Variants in ATL2 observed in about 807,000 individuals in gnomAD.
ATL2 encodes atlastin-2.
ATL2 carries 31 observed loss-of-function variants against 73.9 expected under a neutral mutation model. The observed-to-expected ratio is 0.42, with a 90% CI of 0.32 to 0.57. ATL2 has a LOEUF of 0.57. Among genes scored for constraint, ATL2 ranks in the 20% least tolerant of loss-of-function variants. ATL2 has a pLI of 0.14. For missense variants in ATL2, 738 were observed against 702.6 expected, an observed-to-expected ratio of 1.05 and a Z score of -0.57; for synonymous variants, 291 against 237.5, an observed-to-expected ratio of 1.23 and a Z score of -2.07.
chr2:38,318,688 G>A (rs1042792296), intron 3 of ATL2, 49 bp from the exon 4 acceptor site: 1 of 1,456,172 alleles, frequency 6.9e-7, no homozygotes, highest in East Asian at 2.3e-5. Context: ...TGCCAAAAAT[G>A]ACTATAAAAA....
chr2:38,337,978 T>C (rs1482840807), intron 2 of ATL2, among the ~76,000 whole-genome samples: 2 of 152,202 alleles, frequency 1.3e-5, no homozygotes, highest in Non-Finnish European at 2.9e-5. Flanking sequence ...TATATAATTC[T>C]ACTAAATTAA....
At chr2:38,318,817 T>G in intron 3 of ATL2, 68 bp downstream of exon 3, 1 of 1,538,100 alleles carries the variant, frequency 6.5e-7, no homozygotes, top group Non-Finnish European at 8.9e-7. Flanking sequence ...CTGTGTTGTT[T>G]TGATTTTTAA....
rs74425241 is a variant in ATL2 at position 38,337,930 on chromosome 2, A to T, written c.363+5338T>A. On this transcript the variant is annotated intron_variant, in intron 2 of 12. Coordinates refer to ENST00000378954, the MANE Select transcript of ATL2 (RefSeq NM_001135673.4). Reference sequence around the variant, plus strand: ...ATAATAGCTATCACCATTACTTAGCATCAATATCGTAAGCACTGTGTTTAG... The same window carrying T: ...ATAATAGCTATCACCATTACTTAGCTTCAATATCGTAAGCACTGTGTTTAG... 1.5e-3 allele frequency among the ~76,000 whole-genome samples: 236 copies of T among 152,316 alleles called. 3 individuals carry two copies. The highest frequency in any genetic ancestry group is 5.5e-3 in the African/African-American group (227 of 41,578).
intron 12 of ATL2, 35 bp downstream of exon 12, chr2:38,298,109 A>G (rs774723573): frequency 1.3e-6 from 2 of 1,542,056 alleles, no homozygotes; most frequent in African/African-American, 2.8e-5. Context: ...GGAAAATAAG[A>G]TTAGTCACTA....
intron 2 of ATL2, among the ~76,000 whole-genome samples, chr2:38,336,639 T>A (rs903613797): frequency 1.3e-5 from 2 of 152,188 alleles, no homozygotes; most frequent in African/African-American, 4.8e-5. Flanking sequence ...CCAAACATAA[T>A]TTTACATAAT....
At chr2:38,356,258 G>C (rs367616339) in intron 1 of ATL2, among the ~76,000 whole-genome samples, 11 of 149,648 alleles carry the variant, frequency 7.4e-5, no homozygotes, top group African/African-American at 2.7e-4. Flanking sequence ...CACTCTCATC[G>C]ACCAGGCTGG....
chr2:38,355,909 G>C (rs533056355), intron 1 of ATL2, among the ~76,000 whole-genome samples: 8 of 151,518 alleles, frequency 5.3e-5, no homozygotes, highest in African/African-American at 1.9e-4. Flanking sequence ...TGGCCAGGCT[G>C]GTCTTGAACT....
At chr2:38,316,487 T>A (rs1452291200) in intron 4 of ATL2, among the ~76,000 whole-genome samples, 1 of 152,164 alleles carries the variant, frequency 6.6e-6, no homozygotes, top group East Asian at 1.9e-4. Flanking sequence ...ATGTATTTGT[T>A]GAAGGAATAA....
intron 2 of ATL2, among the ~76,000 whole-genome samples, chr2:38,322,982 A>G (rs181624417): frequency 2.0e-4 from 31 of 152,386 alleles, no homozygotes; most frequent in Non-Finnish European, 2.5e-4. Context: ...GTGAACACTG[A>G]CAGCTTTCAT....
intron 2 of ATL2, among the ~76,000 whole-genome samples, chr2:38,332,186 C>G (rs976259951): frequency 4.6e-5 from 7 of 152,048 alleles, no homozygotes; most frequent in African/African-American, 1.7e-4. Context: ...AGGGCTGTCA[C>G]AGGGATTCAT....
intron 4 of ATL2, among the ~76,000 whole-genome samples, chr2:38,316,930 GAA>G (rs1323205507): frequency 7.2e-5 from 11 of 152,104 alleles, no homozygotes; most frequent in Admixed American, 5.9e-4. Flanking sequence ...CAAGATCAGA[GAA>G]AAAAAGAGAC....
At chr2:38,302,019 G>A (rs534556056) in intron 9 of ATL2, among the ~76,000 whole-genome samples, 14 of 152,290 alleles carry the variant, frequency 9.2e-5, no homozygotes, top group African/African-American at 3.1e-4. Context: ...TGCGGCATAA[G>A]GCAGAGCCCT....
chr2:38,348,859 A>G (rs540359727), intron 1 of ATL2, among the ~76,000 whole-genome samples: 289 of 152,282 alleles, frequency 1.9e-3, no homozygotes, highest in African/African-American at 6.2e-3. Context: ...AAAAGTGGGC[A>G]AAGGATATGA....
intron 1 of ATL2, among the ~76,000 whole-genome samples, chr2:38,347,977 G>C (rs1004971776): frequency 6.6e-6 from 1 of 151,188 alleles, no homozygotes; most frequent in Non-Finnish European, 1.5e-5. Context: ...ATGTTGGCCA[G>C]GCTGGACTCA....
At chr2:38,314,463 C>G (rs1667921345) in intron 6 of ATL2, 145 bp downstream of exon 6, 2 of 573,176 alleles carry the variant, frequency 3.5e-6, no homozygotes, top group Non-Finnish European at 6.3e-6. Flanking sequence ...GCTGATGATA[C>G]TACCAAAGGT....
intron 9 of ATL2, among the ~76,000 whole-genome samples, chr2:38,304,331 A>T (rs2148410051): frequency 6.6e-6 from 1 of 152,310 alleles, no homozygotes; most frequent in Non-Finnish European, 1.5e-5. Flanking sequence ...AGAAATAAAG[A>T]CTTCCTCAAA....
At chr2:38,312,146 T>C (rs1667787064) in intron 7 of ATL2, among the ~76,000 whole-genome samples, 1 of 152,160 alleles carries the variant, frequency 6.6e-6, no homozygotes, top group Admixed American at 6.5e-5. Flanking sequence ...TCTTTATGTA[T>C]CCTTTGTGTG....
intron 1 of ATL2, among the ~76,000 whole-genome samples, chr2:38,375,595 A>C (rs1026083095): frequency 6.6e-6 from 1 of 152,216 alleles, no homozygotes; most frequent in Non-Finnish European, 1.5e-5. Context: ...AATACATAGA[A>C]TATTTTGAAA....
At chr2:38,340,608 C>G (rs1339092752) in intron 2 of ATL2, among the ~76,000 whole-genome samples, 1 of 151,952 alleles carries the variant, frequency 6.6e-6, no homozygotes, top group East Asian at 1.9e-4. Context: ...CTTAAACTGT[C>G]AGTATGTCAC....
Sources: allele counts gnomAD v4.1 joint callset (sites outside exome capture counted in the v4.1 genomes callset), GRCh38; gene constraint gnomAD v4.1.1; transcripts MANE v1.5; gene names NCBI Gene and HGNC (gene_info 2026-07-23, HGNC 2026-07-21).